Variants in SSBP4 observed in about 807,000 individuals in gnomAD.
SSBP4 encodes the protein single-stranded DNA-binding protein 4.
Under a neutral mutation model 64.6 loss-of-function variants are expected in SSBP4, and 33 were observed. That is an observed-to-expected ratio of 0.51 (90% CI 0.39 to 0.68). The LOEUF (loss-of-function observed/expected upper bound fraction) is 0.68. SSBP4 is among the 30% of genes least tolerant of loss of function. The pLI is 0.00. For missense variants in SSBP4, 583 were observed against 566.8 expected (o/e 1.03, Z -0.29); for synonymous variants, 243 against 224.0 (o/e 1.08, Z -0.76).
Position 18,433,757 on chromosome 19 carries a change from G to A in SSBP4, c.1068G>A (p.Pro356=). ...VAGLSNAPGT[P]RDDGEMAAAG... The stretch of plus-strand genomic sequence containing the variant: ...GCCTGAGCAACGCCCCGGGCACCCC[G>A]CGGGACGACGGCGAGATGGCGGCCG... The change falls in exon 17 of 18, where the codon CCG becomes CCA. Residue 356 remains proline (P), a synonymous_variant. Transcript: ENST00000270061. The A allele has an allele frequency of 6.9e-7, 1 of 1,439,684 alleles. No homozygotes were observed. The highest frequency in any genetic ancestry group is 9.1e-7 in the Non-Finnish European group (1 of 1,103,702). The allele number at this position is 1,439,684 out of a possible 1,614,324, so 89.2% of individuals were successfully genotyped here. A position where few individuals can be genotyped will look rare whatever the true frequency, so the allele number is the denominator to read the frequency against.
chr19:18,429,104 C>A (rs932352364), intron 4 of SSBP4, among the ~76,000 whole-genome samples: 1 of 149,798 alleles, frequency 6.7e-6, no homozygotes, highest in Non-Finnish European at 1.5e-5. Context: ...CGCCCAAGCC[C>A]TGGGGTGACC....
chr19:18,430,361 C>T (rs1032628981), intron 4 of SSBP4, among the ~76,000 whole-genome samples: 2 of 152,200 alleles, frequency 1.3e-5, no homozygotes, highest in African/African-American at 2.4e-5. Context: ...TGTCTTGTCG[C>T]CTTCTCCATC....
chr19:18,408,150 C>T, the SSBP4 span, among the ~76,000 whole-genome samples: 2 of 152,228 alleles, frequency 1.3e-5, no homozygotes, highest in African/African-American at 4.8e-5. Context: ...CATGTCCCAC[C>T]TGTGAGGCTT....
chr19:18,410,427 C>T, the SSBP4 span, among the ~76,000 whole-genome samples: 1 of 151,956 alleles, frequency 6.6e-6, no homozygotes, highest in Non-Finnish European at 1.5e-5. Context: ...TCACCGCGCC[C>T]GGCCTGGTTC....
chr19:18,409,762 C>T, the SSBP4 span, among the ~76,000 whole-genome samples: 1 of 152,020 alleles, frequency 6.6e-6, no homozygotes, highest in Non-Finnish European at 1.5e-5. Flanking sequence ...TCACGTGATC[C>T]TCCCTCCTCG....
At chr19:18,406,014 GAGAA>G in the SSBP4 span, among the ~76,000 whole-genome samples, 1 of 151,218 alleles carries the variant, frequency 6.6e-6, no homozygotes, top group Non-Finnish European at 1.5e-5. Flanking sequence ...AAGACAGAGA[GAGAA>G]AGAAGAGAGA....
At chr19:18,416,672 G>T (rs1006760010), upstream of SSBP4, among the ~76,000 whole-genome samples, 4 of 152,300 alleles carry the variant, frequency 2.6e-5, no homozygotes, top group South Asian at 8.3e-4. Flanking sequence ...TCCTGGCTCT[G>T]CCTCCAGCGC....
At chr19:18,425,668 G>A (rs564079398) in intron 1 of SSBP4, among the ~76,000 whole-genome samples, 13 of 152,310 alleles carry the variant, frequency 8.5e-5, no homozygotes, top group African/African-American at 3.1e-4. Context: ...TCAGGATCTA[G>A]CAGGGCCTGG....
chr19:18,418,131 G>T (rs1972200803), upstream of SSBP4, among the ~76,000 whole-genome samples: 1 of 152,142 alleles, frequency 6.6e-6, no homozygotes, highest in Non-Finnish European at 1.5e-5. The surrounding 1 kb of genome is among the most constrained non-coding windows in gnomAD (Gnocchi z 6.7). Flanking sequence ...AACTGCCACC[G>T]CGCAGCCAGG....
At chr19:18,415,304 C>A (rs992727079), upstream of SSBP4, among the ~76,000 whole-genome samples, 3 of 152,204 alleles carry the variant, frequency 2.0e-5, no homozygotes, top group Admixed American at 6.5e-5. Context: ...CAGGGCCCCC[C>A]ACTTTAATGA....
intron 1 of SSBP4, among the ~76,000 whole-genome samples, chr19:18,422,559 C>T (rs1372444601): frequency 6.6e-6 from 1 of 152,246 alleles, no homozygotes; most frequent in Non-Finnish European, 1.5e-5. Flanking sequence ...CACCAGGGCC[C>T]TGGAGAGGAA....
upstream of SSBP4, among the ~76,000 whole-genome samples, chr19:18,417,100 C>G (rs930122101): frequency 6.6e-6 from 1 of 152,136 alleles, no homozygotes; most frequent in Non-Finnish European, 1.5e-5. This position sits in a 1 kb window ranked among gnomAD's most constrained non-coding sequence, Gnocchi z 5.4. Context: ...TCCGCCCTCC[C>G]CCGGGAGACC....
At chr19:18,403,569 T>G in the SSBP4 span, among the ~76,000 whole-genome samples, 1 of 150,462 alleles carries the variant, frequency 6.6e-6, no homozygotes, top group Non-Finnish European at 1.5e-5. Flanking sequence ...CTGAGGATCC[T>G]GGGGTCTGGG....
chr19:18,431,323 C>A (rs748239867), intron 5 of SSBP4, 30 bp from the exon 6 acceptor site: 6 of 651,804 alleles, frequency 9.2e-6, no homozygotes, highest in East Asian at 5.7e-5. Context: ...GGCCTCACTC[C>A]CCCCCACCCA....
At position 18,432,048 on chromosome 19, in the gene SSBP4, G is replaced by T. The variant is rs778567806; in HGVS notation, c.614G>T (p.Gly205Val). ...ATGCAGAGGGTGACGCCTCCTCGTG[G>T]CATGGCCAGCGTGGGGCCCCAGGTA... ...GPMQRVTPPR[G>V]MASVGPQSYG... Residue 205 changes from glycine (G) to valine (V), a missense_variant, in exon 9 of 18, where the codon GGC becomes GTC. Gly to Val is a moderately radical substitution (Grantham distance 109, BLOSUM62 -3). Coordinates refer to ENST00000270061, the MANE Select transcript of SSBP4 (RefSeq NM_032627.5). The T allele has an allele frequency of 5.0e-6, 8 of 1,586,680 alleles. No homozygotes were observed. Among genetic ancestry groups the T allele is most frequent in the South Asian group, 1.1e-5 (1 of 88,372 alleles).
upstream of SSBP4, among the ~76,000 whole-genome samples, chr19:18,416,443 T>C (rs142017169): frequency 7.7e-3 from 1,174 of 152,340 alleles, 15 homozygotes; most frequent in African/African-American, 0.026. Context: ...TCCGAAGTGC[T>C]GGGGCTACAG....
chr19:18,429,670 T>A lies in SSBP4; in HGVS notation c.280-1171T>A, dbSNP rs1359819056. 2.1e-5 allele frequency among the ~76,000 whole-genome samples: 3 copies of A among 140,888 alleles called. No individual in the cohort carries two copies. The South Asian group carries it at 7.3e-4, about 34-fold the overall frequency. The allele number at this position is 140,888 out of a possible 152,430, so 92.4% of individuals were successfully genotyped here. ...ATTGTGTTTGCGGGAGGGGGCGGGG[T>A]GGGGGCCAGAGCCCAGAGGGGACCT... On this transcript the variant is annotated intron_variant, in intron 4 of 17. Transcript: ENST00000270061.
the SSBP4 span, among the ~76,000 whole-genome samples, chr19:18,404,268 C>T: frequency 6.6e-6 from 1 of 152,014 alleles, no homozygotes; most frequent in Non-Finnish European, 1.5e-5. Flanking sequence ...CTCAGAGACC[C>T]TCAGAGATCC....
chr19:18,416,351 G>A (rs1600267827), upstream of SSBP4, among the ~76,000 whole-genome samples: 1 of 152,118 alleles, frequency 6.6e-6, no homozygotes, highest in East Asian at 1.9e-4. Flanking sequence ...TTGGTCTGTC[G>A]TCCAGGCTGA....
Sources: allele counts gnomAD v4.1 joint callset (sites outside exome capture counted in the v4.1 genomes callset), GRCh38; gene constraint gnomAD v4.1.1; non-coding constraint Gnocchi (gnomAD v3.1); transcripts MANE v1.5; gene names NCBI Gene and HGNC (gene_info 2026-07-23, HGNC 2026-07-21).